NWD1: variants seen among roughly 807,000 people sequenced by gnomAD.
NWD1 encodes NACHT domain- and WD repeat-containing protein 1.
A neutral mutation model predicts 135.1 loss-of-function variants in NWD1; 129 were observed. The ratio of observed to expected loss-of-function variants is 0.96; its 90% confidence interval spans 0.83 to 1.11. The LOEUF is 1.11. Ranked by LOEUF, NWD1 falls within the 50% of genes least tolerant of loss-of-function variation. NWD1 has a pLI of 0.00. For missense variants in NWD1, 1,740 were observed against 1,851.3 expected, an observed-to-expected ratio of 0.94 and a Z score of 1.10; for synonymous variants, 773 against 786.0, an observed-to-expected ratio of 0.98 and a Z score of 0.28.
intron 10 of NWD1, among the ~76,000 whole-genome samples, chr19:16,767,603 G>A (rs1160792273): frequency 6.6e-6 from 1 of 152,054 alleles, no homozygotes; most frequent in African/African-American, 2.4e-5. Flanking sequence ...GACAGAGTGA[G>A]ACTGTGTCTC....
chr19:16,774,539 A>G (rs1279261905), intron 11 of NWD1, among the ~76,000 whole-genome samples: 2 of 150,918 alleles, frequency 1.3e-5, no homozygotes, highest in South Asian at 4.2e-4. Flanking sequence ...AGCCCCATTC[A>G]TCCATCCACC....
chr19:16,732,216 CAAAAA>C (rs59934633), intron 3 of NWD1, among the ~76,000 whole-genome samples: 4 of 114,764 alleles, frequency 3.5e-5, no homozygotes, highest in Non-Finnish European at 3.6e-5. Context: ...GACTCCGTCT[CAAAAA>C]AAAAAAAAAA....
At chr19:16,787,921 T>C (rs1358590759) in intron 12 of NWD1, among the ~76,000 whole-genome samples, 1 of 131,704 alleles carries the variant, frequency 7.6e-6, no homozygotes, top group Non-Finnish European at 1.6e-5. Flanking sequence ...ATCATCATCA[T>C]CATCATCATC....
intron 6 of NWD1, among the ~76,000 whole-genome samples, chr19:16,752,079 T>C (rs890064117): frequency 2.0e-5 from 3 of 152,158 alleles, no homozygotes; most frequent in African/African-American, 4.8e-5. Flanking sequence ...CTCCCTCCTC[T>C]GAGTTTGTCC....
chr19:16,764,361 G>GTCCGTCCATCCA (rs1288935972), intron 9 of NWD1, among the ~76,000 whole-genome samples: 5 of 145,092 alleles, frequency 3.4e-5, no homozygotes, highest in African/African-American at 1.3e-4. Flanking sequence ...CCCATCTTCT[G>GTCCGTCCATCCA]TCCATCCATC....
chr19:16,794,120 C>T lies in NWD1; in HGVS notation c.3214-343C>T, dbSNP rs1047713308. Among the ~76,000 whole-genome samples the T allele has an allele frequency of 6.6e-5, 10 of 152,094 alleles. No homozygotes were observed. In the East Asian group the frequency reaches 2.0e-3, roughly 30 times the overall value. On this transcript the variant is annotated intron_variant, in intron 14 of 18. Transcript: ENST00000524140. ...GTGGCTCACGCCTGTAATCCCAGCA[C>T]TTTGGGAGGCCAAGGTGGGCGGATC...
chr19:16,800,773 C>T (rs1970580999), intron 17 of NWD1, among the ~76,000 whole-genome samples: 1 of 152,138 alleles, frequency 6.6e-6, no homozygotes, highest in Non-Finnish European at 1.5e-5. Flanking sequence ...GCCCCACATT[C>T]ATGATCTAAT....
rs148025609 is a variant in NWD1, at chr19:16,720,703, C to T, written c.-105+410C>T. Among the ~76,000 whole-genome samples, 1,102 of 151,706 alleles carry T rather than the reference C, an allele frequency of 7.3e-3. 14 individuals carry two copies. The highest frequency in any genetic ancestry group is 0.024 in the African/African-American group (1,010 of 41,350). ...CTGAGTAGCTGGGACTACAGGTGTC[C>T]GCCACATGCCCGGCTAATTTTTTGT... On this transcript the variant is annotated intron_variant, in intron 1 of 18. Coordinates refer to ENST00000524140, the MANE Select transcript of NWD1 (RefSeq NM_001007525.5).
In NWD1 at chr19:16,797,724, C is replaced by T. The variant is rs753043575; in HGVS notation, c.3305-8C>T. The T allele has an allele frequency of 1.8e-5, 29 of 1,612,422 alleles. No homozygotes were observed. Among genetic ancestry groups the T allele is most frequent in the Non-Finnish European group, 2.3e-5 (27 of 1,179,060 alleles). ...TGAGAGGTGTAACCCCAGTTCCTGC[C>T]GTTTCAGGCTTTGGAAGATCGGTGC... On this transcript the variant is annotated splice_region_variant and splice_polypyrimidine_tract_variant and intron_variant, in intron 15 of 18. Transcript: ENST00000524140.
At chr19:16,764,095 G>GGGATGCC in intron 9 of NWD1, 150 bp downstream of exon 9, 1 of 598,762 alleles carries the variant, frequency 1.7e-6, no homozygotes, top group Non-Finnish European at 3.0e-6. Context: ...CTACACCCAG[G>GGGATGCC]GGATGCCTTA....
chr19:16,748,239 C>T (rs1460175532), intron 5 of NWD1, among the ~76,000 whole-genome samples: 1 of 152,130 alleles, frequency 6.6e-6, no homozygotes, highest in Non-Finnish European at 1.5e-5. Flanking sequence ...CCACCTTGGC[C>T]TCCCAAAGTG....
chr19:16,781,666 A>G (rs896190322), intron 12 of NWD1, among the ~76,000 whole-genome samples: 2 of 152,004 alleles, frequency 1.3e-5, no homozygotes, highest in South Asian at 2.1e-4. Flanking sequence ...TCTTATTACT[A>G]TTGTTTGAGG....
intron 11 of NWD1, among the ~76,000 whole-genome samples, chr19:16,774,332 C>T (rs1032450374): frequency 2.6e-5 from 4 of 151,166 alleles, no homozygotes; most frequent in African/African-American, 7.3e-5. Flanking sequence ...TCCTCTCCAT[C>T]CATCCATCCA....
intron 5 of NWD1, among the ~76,000 whole-genome samples, chr19:16,747,739 C>A (rs11667216): frequency 0.087 from 13,170 of 152,124 alleles, 1,099 homozygotes; most frequent in African/African-American, 0.22. Flanking sequence ...CCTCTCCCAG[C>A]GCAGGCAACC....
In NWD1 at chr19:16,738,253, C is replaced by G. The variant is rs1171215830; in HGVS notation, c.198+1503C>G. On this transcript the variant is annotated intron_variant, in intron 4 of 18. Transcript: ENST00000524140. ...GAAATGTGCTGATCCCTGTCCTGGA[C>G]AGTAAAGAGGGAAAAAGTAAAGAAA... 1.1e-5 allele frequency: 5 copies of G among 453,032 alleles called. No homozygotes were observed. In the Admixed American group the frequency reaches 1.2e-4, roughly 11 times the overall value. The allele number at this position is 453,032 out of a possible 1,614,324, so 28.1% of individuals were successfully genotyped here. A position where few individuals can be genotyped will look rare whatever the true frequency, so the allele number is the denominator to read the frequency against.
intron 10 of NWD1, among the ~76,000 whole-genome samples, chr19:16,767,018 C>T (rs1969245893): frequency 6.6e-6 from 1 of 152,148 alleles, no homozygotes; most frequent in African/African-American, 2.4e-5. Context: ...AACATTCACT[C>T]CCTGTACTAG....
At chr19:16,731,996 C>T (rs1022433417) in intron 3 of NWD1, among the ~76,000 whole-genome samples, 2 of 151,846 alleles carry the variant, frequency 1.3e-5, no homozygotes, top group Admixed American at 6.6e-5. Flanking sequence ...GCGGGCAGAT[C>T]GCTTGAGGTC....
chr19:16,812,068 C>T (rs1035902120), intron 18 of NWD1, among the ~76,000 whole-genome samples: 3 of 152,060 alleles, frequency 2.0e-5, no homozygotes, highest in East Asian at 3.9e-4. Flanking sequence ...CTCAGCACTT[C>T]GGGAAGCCGA....
At chr19:16,786,490 C>T (rs1970044943) in intron 12 of NWD1, among the ~76,000 whole-genome samples, 1 of 151,990 alleles carries the variant, frequency 6.6e-6, no homozygotes, top group Admixed American at 6.6e-5. Context: ...CCTTGACCCT[C>T]TTCCTCCTTC....
Sources: allele counts gnomAD v4.1 joint callset (sites outside exome capture counted in the v4.1 genomes callset), GRCh38; gene constraint gnomAD v4.1.1; transcripts MANE v1.5; gene names NCBI Gene and HGNC (gene_info 2026-07-23, HGNC 2026-07-21).